The following ATP10B variants were observed in gnomAD, a reference collection of about 807,000 sequenced individuals.
ATP10B encodes phospholipid-transporting ATPase VB.
Under a neutral mutation model 141.2 loss-of-function variants are expected in ATP10B, and 122 were observed. The observed-to-expected ratio is 0.86, with a 90% CI of 0.75 to 1.00. ATP10B has a LOEUF of 1.00. ATP10B is among the 50% of genes least tolerant of loss of function. ATP10B has a pLI of 0.00. For missense variants in ATP10B, 1,876 were observed against 1,825.3 expected, an observed-to-expected ratio of 1.03 and a Z score of -0.51; for synonymous variants, 685 against 692.0, an observed-to-expected ratio of 0.99 and a Z score of 0.16.
At chr5:160,705,689 C>G (rs1164360560) in intron 3 of ATP10B, among the ~76,000 whole-genome samples, 1 of 152,290 alleles carries the variant, frequency 6.6e-6, no homozygotes, top group Non-Finnish European at 1.5e-5. Context: ...CTATCCAGCT[C>G]TATAAAACTT....
intron 2 of ATP10B, among the ~76,000 whole-genome samples, chr5:160,765,453 T>A (rs1324180047): frequency 6.6e-6 from 1 of 151,854 alleles, no homozygotes; most frequent in Non-Finnish European, 1.5e-5. Context: ...AACAAAAACA[T>A]AAAATGGGGG....
rs1158267073 is a variant in ATP10B at position 160,564,182 on chromosome 5, A to C, written c.*1271T>G. On this transcript the variant is annotated 3_prime_UTR_variant, in exon 26 of 26. Transcript: ENST00000327245. ...TGTACTTTTTGCCTACTATATAGGT[A>C]CTAGCTTAAGGTGGCTCAGTAACCC... 2.6e-5 allele frequency: 4 copies of C among 152,184 alleles called. No individual in the cohort carries two copies. Among genetic ancestry groups the C allele is most frequent in the Non-Finnish European group, 4.4e-5 (3 of 68,026 alleles). 9.4% of individuals were successfully genotyped at this position (152,184 alleles called of 1,614,324 possible).
At chr5:160,583,027 C>T (rs1168114559) in intron 24 of ATP10B, among the ~76,000 whole-genome samples, 4 of 152,120 alleles carry the variant, frequency 2.6e-5, no homozygotes, top group African/African-American at 9.7e-5. Context: ...TTAGAACATG[C>T]TCCTTTAGCT....
chr5:160,855,480 TG>T (rs1204209553), upstream of ATP10B, among the ~76,000 whole-genome samples: 4 of 151,594 alleles, frequency 2.6e-5, no homozygotes, highest in Admixed American at 1.3e-4. Flanking sequence ...AATTTTTGTT[TG>T]TTTTTTTTTT....
Position 160,565,710 on chromosome 5 carries a change from A to AGTCCT in ATP10B, c.4124_4128dup (p.Phe1377ArgfsTer34). 1 of 1,614,006 alleles carries AGTCCT rather than the reference A, an allele frequency of 6.2e-7. No individual in the cohort carries two copies. Among genetic ancestry groups the AGTCCT allele is most frequent in the Non-Finnish European group, 8.5e-7 (1 of 1,179,958 alleles). Reference sequence around the variant, plus strand: ...GAGCTCTTTGGGGTGCTGGCACTGAAGTCCTGTCCTGTGATAGATGACACT... The same window carrying AGTCCT: ...GAGCTCTTTGGGGTGCTGGCACTGAAGTCCTGTCCTGTCCTGTGATAGATGACACT... On this transcript the variant is annotated frameshift_variant, in exon 26 of 26. Transcript: ENST00000327245. LOFTEE classifies it low-confidence loss of function (END_TRUNC).
intron 2 of ATP10B, among the ~76,000 whole-genome samples, chr5:160,728,640 G>A (rs1561794550): frequency 6.6e-6 from 1 of 152,096 alleles, no homozygotes; most frequent in Non-Finnish European, 1.5e-5. Flanking sequence ...CTAACCATGA[G>A]AATAACAGCT....
chr5:160,658,536 T>A (rs1228618018), intron 7 of ATP10B, among the ~76,000 whole-genome samples: 1 of 152,186 alleles, frequency 6.6e-6, no homozygotes, highest in Non-Finnish European at 1.5e-5. Context: ...ATTTCAAACA[T>A]GAGGTTCAAG....
chr5:160,775,744 G>T (rs747005587), intron 2 of ATP10B, among the ~76,000 whole-genome samples: 1 of 148,154 alleles, frequency 6.7e-6, no homozygotes, highest in Non-Finnish European at 1.5e-5. Context: ...GCAGTGGCGC[G>T]ATCTCGGCTC....
intron 1 of ATP10B, among the ~76,000 whole-genome samples, chr5:160,801,369 A>G (rs1053512442): frequency 3.3e-5 from 5 of 152,010 alleles, no homozygotes; most frequent in Admixed American, 1.3e-4. Flanking sequence ...TCCTTGTATC[A>G]CCTATCACCT....
intron 6 of ATP10B, among the ~76,000 whole-genome samples, chr5:160,679,408 C>T (rs1763237647): frequency 6.6e-6 from 1 of 152,234 alleles, no homozygotes; most frequent in Non-Finnish European, 1.5e-5. Context: ...GCCACACATA[C>T]AACATTTCAT....
chr5:160,826,851 A>AG (rs1774642006), intron 1 of ATP10B, among the ~76,000 whole-genome samples: 1 of 152,160 alleles, frequency 6.6e-6, no homozygotes, highest in Admixed American at 6.5e-5. Context: ...CAGTACCCTC[A>AG]GGCTTACTAG....
chr5:160,894,653 C>T, the ATP10B span, among the ~76,000 whole-genome samples: 21 of 152,174 alleles, frequency 1.4e-4, no homozygotes, highest in Admixed American at 5.2e-4. Context: ...AGAAGAACTT[C>T]CCTGACCTAG....
At chr5:160,586,202 CCCACTT>C (rs1755888244) in intron 24 of ATP10B, among the ~76,000 whole-genome samples, 1 of 152,168 alleles carries the variant, frequency 6.6e-6, no homozygotes, top group Admixed American at 6.5e-5. Context: ...TTGTTGAACT[CCCACTT>C]ATCAGTGAGA....
chr5:160,646,378 T>C (rs1475145734), intron 8 of ATP10B, among the ~76,000 whole-genome samples: 2 of 152,356 alleles, frequency 1.3e-5, no homozygotes, highest in African/African-American at 2.4e-5. Flanking sequence ...TGGCAAATAA[T>C]AGTTAGAATA....
intron 24 of ATP10B, among the ~76,000 whole-genome samples, chr5:160,584,239 T>C (rs183596698): frequency 6.6e-6 from 1 of 151,978 alleles, no homozygotes; most frequent in African/African-American, 2.4e-5. Context: ...TGGGCCAGAG[T>C]AGACTGTTCC....
chr5:160,597,939 G>A (rs1452249335), intron 22 of ATP10B, among the ~76,000 whole-genome samples: 1 of 150,322 alleles, frequency 6.7e-6, no homozygotes, highest in East Asian at 2.0e-4. Context: ...CTTTTACACT[G>A]TTGGTGGGAC....
intron 1 of ATP10B, among the ~76,000 whole-genome samples, chr5:160,802,552 C>T (rs1322226237): frequency 1.3e-5 from 2 of 152,138 alleles, no homozygotes; most frequent in Non-Finnish European, 2.9e-5. Flanking sequence ...CAGTCATCTC[C>T]CCAACAAAAC....
the ATP10B span, among the ~76,000 whole-genome samples, chr5:160,909,882 T>C: frequency 1.3e-5 from 2 of 152,300 alleles, no homozygotes; most frequent in African/African-American, 2.4e-5. Flanking sequence ...CTGCCGGTTG[T>C]AGGCAGCTCA....
At chr5:160,916,062 A>G in the ATP10B span, among the ~76,000 whole-genome samples, 1 of 152,180 alleles carries the variant, frequency 6.6e-6, no homozygotes, top group Non-Finnish European at 1.5e-5. Context: ...CCCCTCCTCC[A>G]TGTTCCCACT....
Sources: gnomAD v4.1 joint callset for allele counts (sites outside exome capture counted in the v4.1 genomes callset) on GRCh38, gnomAD v4.1.1 for gene constraint, MANE v1.5 for transcripts, NCBI Gene and HGNC (gene_info 2026-07-23, HGNC 2026-07-21) for gene names.